Variants in CDH12 observed in about 807,000 individuals in gnomAD.
The protein encoded by CDH12 is cadherin 12.
CDH12 carries 41 observed loss-of-function variants against 74.1 expected under a neutral mutation model. The ratio of observed to expected loss-of-function variants is 0.55; its 90% confidence interval spans 0.43 to 0.72. CDH12 has a LOEUF of 0.72. Among genes scored for constraint, CDH12 ranks in the 30% least tolerant of loss-of-function variants. The probability of loss-of-function intolerance (pLI) is 0.00; values close to 1 mark genes in which losing one functional copy is unlikely to be tolerated. For missense variants in CDH12, 945 were observed against 977.2 expected (o/e 0.97, Z 0.44); for synonymous variants, 399 against 355.0 (o/e 1.12, Z -1.39).
At chr5:22,368,427 T>C (rs1339936375) in intron 3 of CDH12, among the ~76,000 whole-genome samples, 1 of 151,700 alleles carries the variant, frequency 6.6e-6, no homozygotes. Context: ...GTCTCCCAAG[T>C]TGCTGGGACT....
At chr5:22,642,680 A>T (rs748815340) in intron 1 of CDH12, among the ~76,000 whole-genome samples, 35 of 152,232 alleles carry the variant, frequency 2.3e-4, no homozygotes, top group East Asian at 5.8e-4. Flanking sequence ...TTTATTTTTT[A>T]AAAATTGGAA....
At chr5:21,916,106 C>T (rs1351140790) in intron 6 of CDH12, among the ~76,000 whole-genome samples, 7 of 152,008 alleles carry the variant, frequency 4.6e-5, no homozygotes, top group Non-Finnish European at 8.8e-5. Context: ...AAGTACCAGG[C>T]TTGAGTGATA....
chr5:22,023,528 A>G (rs566391249), intron 5 of CDH12, among the ~76,000 whole-genome samples: 5 of 152,034 alleles, frequency 3.3e-5, no homozygotes, highest in Admixed American at 2.6e-4. Flanking sequence ...GTGTATATAT[A>G]TATAATTCTC....
At chr5:22,632,019 A>G (rs1389493814) in intron 1 of CDH12, among the ~76,000 whole-genome samples, 1 of 152,152 alleles carries the variant, frequency 6.6e-6, no homozygotes, top group African/African-American at 2.4e-5. Context: ...AAATCCAAAT[A>G]ACATCAACAA....
chr5:22,431,018 CT>C (rs1744148546), intron 2 of CDH12, among the ~76,000 whole-genome samples: 1 of 152,110 alleles, frequency 6.6e-6, no homozygotes, highest in Admixed American at 6.6e-5. Flanking sequence ...GGTTACTATG[CT>C]TATATTCCTG....
chr5:21,859,187 C>T (rs1579848663), intron 6 of CDH12, among the ~76,000 whole-genome samples: 1 of 151,914 alleles, frequency 6.6e-6, no homozygotes. Flanking sequence ...TGAAGAAATA[C>T]CAGAGGCTGG....
intron 6 of CDH12, among the ~76,000 whole-genome samples, chr5:21,880,570 T>C (rs1369666997): frequency 1.6e-3 from 24 of 15,004 alleles, no homozygotes; most frequent in Admixed American, 4.0e-3. Flanking sequence ...TTCCCTTCTT[T>C]CTTTCCTTCC....
chr5:22,020,380 C>T (rs1462912619), intron 5 of CDH12, among the ~76,000 whole-genome samples: 1 of 151,840 alleles, frequency 6.6e-6, no homozygotes, highest in South Asian at 2.1e-4. Flanking sequence ...ATTGTGAAAC[C>T]CCGTCTCTAC....
At chr5:22,313,193 A>C (rs1475360888) in intron 3 of CDH12, among the ~76,000 whole-genome samples, 1 of 152,224 alleles carries the variant, frequency 6.6e-6, no homozygotes, top group Non-Finnish European at 1.5e-5. Flanking sequence ...TTTTGCCCCA[A>C]GGGATTCACA....
intron 1 of CDH12, among the ~76,000 whole-genome samples, chr5:22,799,087 G>T (rs537292061): frequency 6.6e-6 from 1 of 151,924 alleles, no homozygotes; most frequent in African/African-American, 2.4e-5. Context: ...ATTGCACACC[G>T]GCCTGGGTGA....
chr5:21,887,123 G>T (rs1378508034), intron 6 of CDH12, among the ~76,000 whole-genome samples: 1 of 152,034 alleles, frequency 6.6e-6, no homozygotes, highest in Non-Finnish European at 1.5e-5. Flanking sequence ...TATTATTTCT[G>T]AGCTTGACAG....
At chr5:22,342,347 T>C (rs892378580) in intron 3 of CDH12, among the ~76,000 whole-genome samples, 2 of 152,154 alleles carry the variant, frequency 1.3e-5, no homozygotes, top group African/African-American at 4.8e-5. Flanking sequence ...TCAGAAACCA[T>C]AGAATGTATC....
intron 2 of CDH12, among the ~76,000 whole-genome samples, chr5:22,451,899 A>C (rs1208968880): frequency 6.6e-6 from 1 of 151,978 alleles, no homozygotes; most frequent in Non-Finnish European, 1.5e-5. Context: ...CAACATCAAC[A>C]TATAAAAATC....
chr5:22,085,748 G>A (rs907891562), intron 4 of CDH12, among the ~76,000 whole-genome samples: 3 of 151,920 alleles, frequency 2.0e-5, no homozygotes, highest in African/African-American at 7.3e-5. Context: ...ATATTAAAAT[G>A]TCAACAATAT....
At chr5:22,205,279 G>T (rs1580399344) in intron 4 of CDH12, among the ~76,000 whole-genome samples, 1 of 152,120 alleles carries the variant, frequency 6.6e-6, no homozygotes, top group African/African-American at 2.4e-5. Context: ...GTACTGAGTT[G>T]CAGCTTTGAA....
intron 1 of CDH12, among the ~76,000 whole-genome samples, chr5:22,513,825 G>A (rs533663957): frequency 6.6e-6 from 1 of 151,886 alleles, no homozygotes; most frequent in East Asian, 1.9e-4. Flanking sequence ...GTGGGTGCCT[G>A]TAATCCCAGC....
intron 3 of CDH12, among the ~76,000 whole-genome samples, chr5:22,297,017 T>C (rs1277069407): frequency 6.6e-6 from 1 of 151,504 alleles, no homozygotes; most frequent in Non-Finnish European, 1.5e-5. Flanking sequence ...TTGTTATCGT[T>C]GTTGTTGTTG....
At chr5:22,679,771 G>A (rs1421302482) in intron 1 of CDH12, among the ~76,000 whole-genome samples, 1 of 151,944 alleles carries the variant, frequency 6.6e-6, no homozygotes, top group East Asian at 1.9e-4. Flanking sequence ...GCTACTATCT[G>A]GAAAATATTA....
intron 6 of CDH12, among the ~76,000 whole-genome samples, chr5:21,961,393 A>C (rs1756357685): frequency 1.3e-5 from 2 of 152,186 alleles, no homozygotes; most frequent in South Asian, 4.1e-4. Flanking sequence ...GTCTCAAAAA[A>C]AAATGCATTC....
Sources: allele counts gnomAD v4.1 joint callset (sites outside exome capture counted in the v4.1 genomes callset), GRCh38; gene constraint gnomAD v4.1.1; transcripts MANE v1.5; gene names NCBI Gene and HGNC (gene_info 2026-07-23, HGNC 2026-07-21).